Variants in TRAK1 observed in about 807,000 individuals in gnomAD.
The protein encoded by TRAK1 is trafficking kinesin protein 1.
Under a neutral mutation model 92.1 loss-of-function variants are expected in TRAK1, and 33 were observed. The observed-to-expected ratio is 0.36, with a 90% CI of 0.27 to 0.48. The LOEUF (loss-of-function observed/expected upper bound fraction) is 0.48, where lower values mean the gene tolerates loss of function less well. TRAK1 is among the 20% of genes least tolerant of loss of function. The probability of loss-of-function intolerance (pLI) is 0.99; values close to 1 mark genes in which losing one functional copy is unlikely to be tolerated. For missense variants in TRAK1, 1,123 were observed against 1,257.9 expected (o/e 0.89, Z 1.62); for synonymous variants, 521 against 517.3 (o/e 1.01, Z -0.10).
At chr3:42,063,961 C>A (rs1225035007) in intron 1 of TRAK1, among the ~76,000 whole-genome samples, 1 of 152,188 alleles carries the variant, frequency 6.6e-6, no homozygotes, top group Non-Finnish European at 1.5e-5. Flanking sequence ...ACTTTGAACA[C>A]CCCTTCTTGG....
At chr3:42,018,087 C>CAAAAA (rs397989329) in intron 1 of TRAK1, among the ~76,000 whole-genome samples, 3 of 114,294 alleles carry the variant, frequency 2.6e-5, no homozygotes, top group African/African-American at 7.0e-5. Flanking sequence ...CTCATTGTTA[C>CAAAAA]AAAAAAAAAA....
chr3:42,148,908 T>G (rs1699630849), intron 2 of TRAK1, among the ~76,000 whole-genome samples: 1 of 152,138 alleles, frequency 6.6e-6, no homozygotes, highest in Non-Finnish European at 1.5e-5. Context: ...ATCCAGAGTC[T>G]TCTTTCTATC....
At chr3:42,030,672 C>G (rs1225743282) in intron 1 of TRAK1, among the ~76,000 whole-genome samples, 1 of 40,392 alleles carries the variant, frequency 2.5e-5, no homozygotes, top group Non-Finnish European at 4.7e-5. Flanking sequence ...GACTCCATCT[C>G]AAAAAAAAAA....
intron 1 of TRAK1, among the ~76,000 whole-genome samples, chr3:42,053,651 T>A (rs1703078710): frequency 6.6e-6 from 1 of 152,076 alleles, no homozygotes; most frequent in South Asian, 2.1e-4. Context: ...ACCCAGGACC[T>A]GCCCGAGCCA....
intron 1 of TRAK1, among the ~76,000 whole-genome samples, chr3:42,054,015 A>G (rs2148917215): frequency 6.6e-6 from 1 of 152,302 alleles, no homozygotes; most frequent in African/African-American, 2.4e-5. Context: ...CCTAAGACCA[A>G]CATCGTGGAG....
intron 1 of TRAK1, among the ~76,000 whole-genome samples, chr3:42,063,346 G>A (rs1027310137): frequency 1.3e-5 from 2 of 152,220 alleles, no homozygotes; most frequent in Non-Finnish European, 2.9e-5. Flanking sequence ...ATTCCCCACT[G>A]CCCCTGCCCA....
At chr3:42,157,653 A>G (rs1700723188) in intron 2 of TRAK1, among the ~76,000 whole-genome samples, 1 of 152,008 alleles carries the variant, frequency 6.6e-6, no homozygotes, top group South Asian at 2.1e-4. Flanking sequence ...ACCTTCTACA[A>G]AATAGTTGGC....
rs1310989786 is a variant in TRAK1, at chr3:42,202,405, A to G, written c.1428-31A>G. The G allele has an allele frequency of 9.6e-6, 14 of 1,458,204 alleles. No homozygotes were observed. Among genetic ancestry groups the G allele is most frequent in the African/African-American group, 1.4e-5 (1 of 70,590 alleles). The allele number at this position is 1,458,204 out of a possible 1,614,324, so 90.3% of individuals were successfully genotyped here. On this transcript the variant is annotated intron_variant, in intron 12 of 15. Transcript: ENST00000327628. The surrounding 1 kb of genome is among the most constrained non-coding windows in gnomAD (Gnocchi z 6.1). ...TCTGTGGCCTTGGAGCCCTGCTGGC[A>G]TTCCACCCTCACACCCCTTTCTTCT...
chr3:42,075,040 C>CT (rs1255521035), intron 1 of TRAK1, among the ~76,000 whole-genome samples: 4 of 152,046 alleles, frequency 2.6e-5, no homozygotes, highest in African/African-American at 7.2e-5. Flanking sequence ...TTATTTTGTT[C>CT]TTTTTTTATG....
rs373719477 is a variant in TRAK1, at chr3:42,145,134, A to G, written c.286+19520A>G. Reference sequence around the variant, plus strand: ...GAGCTACTTTAACATTTTAGTATCTATTTTCTTCTAAAAAGATATATGCAG... The same window carrying G: ...GAGCTACTTTAACATTTTAGTATCTGTTTTCTTCTAAAAAGATATATGCAG... On this transcript the variant is annotated intron_variant, in intron 2 of 15. Transcript: ENST00000327628. Among the ~76,000 whole-genome samples the G allele has an allele frequency of 1.4e-4, 22 of 152,308 alleles. No homozygotes were observed. In the East Asian group the frequency reaches 2.5e-3, roughly 17 times the overall value.
At chr3:42,159,470 G>A (rs1700996816) in intron 2 of TRAK1, among the ~76,000 whole-genome samples, 1 of 152,248 alleles carries the variant, frequency 6.6e-6, no homozygotes, top group Non-Finnish European at 1.5e-5. Context: ...AAATGGTATA[G>A]AGGAATTGAT....
At chr3:42,050,422 G>A (rs1400790205) in intron 1 of TRAK1, among the ~76,000 whole-genome samples, 3 of 151,966 alleles carry the variant, frequency 2.0e-5, no homozygotes, top group Non-Finnish European at 2.9e-5. Context: ...CAGTCCTCCC[G>A]TTTTTAGCTA....
intron 10 of TRAK1, among the ~76,000 whole-genome samples, chr3:42,198,523 G>C (rs1707073086): frequency 6.6e-6 from 1 of 152,188 alleles, no homozygotes; most frequent in African/African-American, 2.4e-5. Context: ...TCCCTTGCAG[G>C]AGGCCAGGGA....
intron 2 of TRAK1, among the ~76,000 whole-genome samples, chr3:42,159,106 G>A (rs1182349664): frequency 1.3e-5 from 2 of 152,006 alleles, no homozygotes; most frequent in Non-Finnish European, 2.9e-5. Flanking sequence ...CTTTATGGAG[G>A]TAGTAATTCA....
At chr3:42,061,875 C>G (rs1384281029) in intron 1 of TRAK1, among the ~76,000 whole-genome samples, 1 of 152,164 alleles carries the variant, frequency 6.6e-6, no homozygotes, top group Non-Finnish European at 1.5e-5. Context: ...ATTTTGGAAA[C>G]GGATATTCAA....
intron 2 of TRAK1, among the ~76,000 whole-genome samples, chr3:42,170,389 G>A (rs1702394747): frequency 2.0e-5 from 3 of 152,146 alleles, no homozygotes; most frequent in African/African-American, 7.2e-5. Flanking sequence ...TGTGAACAGT[G>A]CAGACAGTAA....
chr3:42,122,382 A>G (rs1420606691), intron 1 of TRAK1, among the ~76,000 whole-genome samples: 1 of 149,708 alleles, frequency 6.7e-6, no homozygotes, highest in Non-Finnish European at 1.5e-5. Flanking sequence ...CTTCCCCACC[A>G]CCAAACAGCA....
intron 1 of TRAK1, among the ~76,000 whole-genome samples, chr3:42,099,875 A>AGTTTTCT (rs1212152046): frequency 6.6e-6 from 1 of 152,122 alleles, no homozygotes; most frequent in Non-Finnish European, 1.5e-5. Flanking sequence ...AGGGCCTGGA[A>AGTTTTCT]GTTTTCTGTG....
In TRAK1 at chr3:42,174,121, G is replaced by A. The variant is rs191745596; in HGVS notation, c.287-2693G>A. Among the ~76,000 whole-genome samples, 140 of 152,196 alleles carry A rather than the reference G, an allele frequency of 9.2e-4. No homozygotes were observed. In the Middle Eastern group the frequency reaches 0.014, roughly 15 times the overall value. On this transcript the variant is annotated intron_variant, in intron 2 of 15. Transcript: ENST00000327628. ...AGCTCACTGCAACCTCCACCTCCCG[G>A]GTCCAAGCAATTCTCCTGCCTCAGC...
Sources: gnomAD v4.1 joint callset for allele counts (sites outside exome capture counted in the v4.1 genomes callset) on GRCh38, gnomAD v4.1.1 for gene constraint, Gnocchi (gnomAD v3.1) non-coding constraint, MANE v1.5 for transcripts, NCBI Gene and HGNC (gene_info 2026-07-23, HGNC 2026-07-21) for gene names.